Variants in ARHGAP39 observed in about 807,000 individuals in gnomAD.
ARHGAP39 encodes Rho GTPase activating protein 39, also known as rho GTPase-activating protein 39.
Under a neutral mutation model 106.9 loss-of-function variants are expected in ARHGAP39, and 44 were observed. The ratio of observed to expected loss-of-function variants is 0.41; its 90% CI spans 0.32 to 0.53. The LOEUF (loss-of-function observed/expected upper bound fraction) is 0.53. ARHGAP39 is among the 20% of genes least tolerant of loss of function. The pLI is 0.21. For synonymous variants in ARHGAP39, 768 were observed against 693.2 expected, an observed-to-expected ratio of 1.11 and a Z score of -1.69; for missense variants, 1,496 against 1,577.3, an observed-to-expected ratio of 0.95 and a Z score of 0.87.
chr8:144,581,628 G>A (rs188574072), intron 2 of ARHGAP39, among the ~76,000 whole-genome samples: 105 of 152,318 alleles, frequency 6.9e-4, no homozygotes, highest in African/African-American at 2.4e-3. Flanking sequence ...ACAGGCCTGC[G>A]AGTCATCACT....
Position 144,548,573 on chromosome 8 carries a change from G to A in ARHGAP39, c.597-84C>T, listed in dbSNP as rs1328749467. The A allele has an allele frequency of 3.4e-6, 5 of 1,491,328 alleles. No homozygotes were observed. The East Asian group carries it at 7.2e-5, about 21-fold the overall frequency. The allele number at this position is 1,491,328 out of a possible 1,614,324, so 92.4% of individuals were successfully genotyped here. ...CACCCCCTCGGGGGCTGTAGGCAGCGGCTCCCGCGAACCCTCTGTTGTACA... is the reference window on the plus strand; with the variant it reads ...CACCCCCTCGGGGGCTGTAGGCAGCAGCTCCCGCGAACCCTCTGTTGTACA... On this transcript the variant is annotated intron_variant, in intron 4 of 11. Transcript: ENST00000377307. This position sits in a 1 kb window ranked among gnomAD's most constrained non-coding sequence, Gnocchi z 7.4.
In ARHGAP39 at chr8:144,545,381, G is replaced by A. The variant is rs757729796; in HGVS notation, c.2389C>T (p.Arg797Cys). The A allele has an allele frequency of 3.1e-5, 50 of 1,598,786 alleles. No individual in the cohort carries two copies. Among genetic ancestry groups the A allele is most frequent in the Middle Eastern group, 3.3e-4 (2 of 6,028 alleles). The part of the protein sequence containing the change: ...QLCRQTTENF[R>C]LESLARGWEL... The stretch of plus-strand genomic sequence containing the variant: ...CAGCCGCGGGCCAGGCTCTCCAGGC[G>A]GAAGTTCTCGGTGGTCTGCCGGCAC... Residue 797 changes from arginine to cysteine, a missense_variant, in exon 6 of 12, where the codon CGC becomes TGC. This residue lies in a region of ARHGAP39 where 470 missense variants were observed against 605.1 expected (regional missense o/e 0.78). Coordinates refer to ENST00000377307, the MANE Select transcript of ARHGAP39 (RefSeq NM_025251.3).
intron 1 of ARHGAP39, among the ~76,000 whole-genome samples, chr8:144,677,218 G>A (rs1194505827): frequency 6.6e-6 from 1 of 152,224 alleles, no homozygotes; most frequent in African/African-American, 2.4e-5. Flanking sequence ...CTTTCTGGCT[G>A]TTGTGAACAC....
chr8:144,680,089 A>C (rs919333699), intron 1 of ARHGAP39, among the ~76,000 whole-genome samples: 2 of 152,182 alleles, frequency 1.3e-5, no homozygotes, highest in Non-Finnish European at 2.9e-5. Flanking sequence ...ACCGCTAGAA[A>C]CCACACATAA....
At chr8:144,672,864 T>C (rs894588541) in intron 1 of ARHGAP39, among the ~76,000 whole-genome samples, 2 of 152,176 alleles carry the variant, frequency 1.3e-5, no homozygotes, top group Admixed American at 6.6e-5. Context: ...ATTAAGTCAA[T>C]GTTTAACTCA....
At chr8:144,675,191 A>AC (rs1822201476) in intron 1 of ARHGAP39, among the ~76,000 whole-genome samples, 1 of 152,026 alleles carries the variant, frequency 6.6e-6, no homozygotes, top group Non-Finnish European at 1.5e-5. Context: ...CAGACAAGCC[A>AC]CCAATGCCAT....
In ARHGAP39 at chr8:144,605,662, G is replaced by A. The variant is rs370485380; in HGVS notation, c.-48C>T. 1.4e-5 allele frequency: 22 copies of A among 1,582,942 alleles called. No homozygotes were observed. The African/African-American group carries it at 1.7e-4, about 13-fold the overall frequency. On this transcript the variant is annotated 5_prime_UTR_variant, in exon 2 of 12. Coordinates refer to ENST00000377307, the MANE Select transcript of ARHGAP39 (RefSeq NM_025251.3). ...GTGGACAGACGTCAGGGCACCATAC[G>A]CACAACGCCAGCATCAGACGGGAAG...
chr8:144,568,945 G>A (rs1037998686), intron 3 of ARHGAP39, among the ~76,000 whole-genome samples: 5 of 152,068 alleles, frequency 3.3e-5, no homozygotes, highest in South Asian at 2.1e-4. Context: ...ACAGATTTAC[G>A]CCTAAGCCTG....
chr8:144,580,109 A>G, intron 3 of ARHGAP39, among the ~76,000 whole-genome samples: 1 of 151,746 alleles, frequency 6.6e-6, no homozygotes, highest in East Asian at 1.9e-4. Flanking sequence ...ACTCACCTCG[A>G]GGCCCTTGCG....
intron 1 of ARHGAP39, among the ~76,000 whole-genome samples, chr8:144,637,134 T>C (rs967423538): frequency 6.6e-6 from 1 of 152,260 alleles, no homozygotes; most frequent in Non-Finnish European, 1.5e-5. Context: ...CTCTCATTGA[T>C]GTTTCTTCCA....
intron 4 of ARHGAP39, among the ~76,000 whole-genome samples, chr8:144,551,476 C>A (rs982770680): frequency 2.0e-5 from 3 of 152,194 alleles, no homozygotes; most frequent in Non-Finnish European, 4.4e-5. Context: ...GTGCTGGGCA[C>A]CCGAGTCACA....
At position 144,684,265 on chromosome 8, in the gene ARHGAP39, G is replaced by A. The variant is rs931615639; in HGVS notation, c.-82+1421C>T. 6.6e-6 allele frequency among the ~76,000 whole-genome samples: 1 copy of A among 152,170 alleles called. No homozygotes were observed. Among genetic ancestry groups the A allele is most frequent in the African/African-American group, 2.4e-5 (1 of 41,440 alleles). ...GGCGGTTTATGGAATGAGTCTCCTCGATTTACAGCCACACCTCCTATCAAA... is the reference window on the plus strand; with the variant it reads ...GGCGGTTTATGGAATGAGTCTCCTCAATTTACAGCCACACCTCCTATCAAA... On this transcript the variant is annotated intron_variant, in intron 1 of 11. Coordinates refer to ENST00000377307, the MANE Select transcript of ARHGAP39 (RefSeq NM_025251.3). This position sits in a 1 kb window ranked among gnomAD's most constrained non-coding sequence, Gnocchi z 4.4.
chr8:144,605,966 T>G, intron 1 of ARHGAP39: 1 of 329,922 alleles, frequency 3.0e-6, no homozygotes, highest in Non-Finnish European at 5.8e-6. Context: ...CCAGCCCCAC[T>G]CCACGATGGG....
chr8:144,660,066 C>A (rs1433547600), intron 1 of ARHGAP39, among the ~76,000 whole-genome samples: 1 of 152,190 alleles, frequency 6.6e-6, no homozygotes, highest in African/African-American at 2.4e-5. Flanking sequence ...CCACCACATG[C>A]ACTTGCATTG....
rs1822084653 is a variant in ARHGAP39, at chr8:144,670,866, G to A, written c.-82+14820C>T. ...GAGACAAACGCTTTACCCCTGCACT[G>A]CCAGCCCCGAGCACCACTGACCGGC... On this transcript the variant is annotated intron_variant, in intron 1 of 11. Transcript: ENST00000377307. The surrounding 1 kb of genome is among the most constrained non-coding windows in gnomAD (Gnocchi z 4.4). Among the ~76,000 whole-genome samples, 1 of 152,136 alleles carries A rather than the reference G, an allele frequency of 6.6e-6. No individual in the cohort carries two copies. The highest frequency in any genetic ancestry group is 2.4e-5 in the African/African-American group (1 of 41,428).
At chr8:144,537,304 G>C (rs1019545907) in intron 7 of ARHGAP39, among the ~76,000 whole-genome samples, 3 of 152,090 alleles carry the variant, frequency 2.0e-5, no homozygotes, top group African/African-American at 7.2e-5. Flanking sequence ...CTTGGCTCTT[G>C]TGGCCCAGGG....
rs1415622706 is a variant in ARHGAP39, at chr8:144,641,605, T to A, written c.-81-35910A>T. On this transcript the variant is annotated intron_variant, in intron 1 of 11. Coordinates refer to ENST00000377307, the MANE Select transcript of ARHGAP39 (RefSeq NM_025251.3). This position sits in a 1 kb window ranked among gnomAD's most constrained non-coding sequence, Gnocchi z 5.2. The stretch of plus-strand genomic sequence containing the variant: ...ACTCCATCCTCCCACACCCCTCAAC[T>A]TCCAGCTTAGACTCAGCCTCTGTCG... 6.6e-6 allele frequency among the ~76,000 whole-genome samples: 1 copy of A among 152,212 alleles called. No individual in the cohort carries two copies. The highest frequency in any genetic ancestry group is 1.5e-5 in the Non-Finnish European group (1 of 68,032).
intron 1 of ARHGAP39, among the ~76,000 whole-genome samples, chr8:144,638,727 T>C (rs573370565): frequency 6.6e-6 from 1 of 152,362 alleles, no homozygotes; most frequent in South Asian, 2.1e-4. Flanking sequence ...AAGTCCCTAG[T>C]ACCTCAATTT....
chr8:144,636,391 G>C (rs1316813172), intron 1 of ARHGAP39, among the ~76,000 whole-genome samples: 6 of 152,138 alleles, frequency 3.9e-5, no homozygotes, highest in African/African-American at 1.4e-4. Context: ...AGTTTGTTTT[G>C]TTTTTACTGA....
Sources: allele counts gnomAD v4.1 joint callset (sites outside exome capture counted in the v4.1 genomes callset), GRCh38; gene constraint gnomAD v4.1.1; regional missense constraint gnomAD v4.1.1; non-coding constraint Gnocchi (gnomAD v3.1); transcripts MANE v1.5; gene names NCBI Gene and HGNC (gene_info 2026-07-23, HGNC 2026-07-21).